MTA3: variants seen among roughly 807,000 people sequenced by gnomAD.
The protein encoded by MTA3 is metastasis associated 1 family member 3.
In MTA3, 34 loss-of-function variants were observed where a neutral mutation model predicts 83.5. That is an observed-to-expected ratio of 0.41 (90% CI 0.31 to 0.54). The LOEUF (loss-of-function observed/expected upper bound fraction) is 0.54. Among genes scored for constraint, MTA3 ranks in the 20% least tolerant of loss-of-function variants. The pLI is 0.33. For missense variants in MTA3, 761 were observed against 726.4 expected, an observed-to-expected ratio of 1.05 and a Z score of -0.55; for synonymous variants, 303 against 252.7, an observed-to-expected ratio of 1.20 and a Z score of -1.89.
chr2:42,658,248 A>G (rs1689351368), intron 7 of MTA3, among the ~76,000 whole-genome samples: 1 of 152,164 alleles, frequency 6.6e-6, no homozygotes, highest in African/African-American at 2.4e-5. Context: ...GTAAATTGGT[A>G]CAGCTCCTTT....
intron 4 of MTA3, among the ~76,000 whole-genome samples, chr2:42,620,055 G>T (rs1339171896): frequency 6.6e-6 from 1 of 151,606 alleles, no homozygotes; most frequent in Admixed American, 6.6e-5. Context: ...CATATACAGT[G>T]GCATTTAGCA....
chr2:42,546,280 C>T (rs540057484), intron 2 of MTA3, among the ~76,000 whole-genome samples: 18 of 152,162 alleles, frequency 1.2e-4, no homozygotes, highest in African/African-American at 4.3e-4. Context: ...AACAAAGGCC[C>T]CAGGAGAAAT....
chr2:42,537,247 C>T (rs1056161079), intron 2 of MTA3, among the ~76,000 whole-genome samples: 1 of 152,152 alleles, frequency 6.6e-6, no homozygotes. Context: ...AGTTGGGGAA[C>T]AAGCTACCTG....
chr2:42,603,057 T>A (rs1161733290), intron 3 of MTA3, among the ~76,000 whole-genome samples: 1 of 152,092 alleles, frequency 6.6e-6, no homozygotes, highest in Non-Finnish European at 1.5e-5. Flanking sequence ...AGGACTTTTA[T>A]GGCTTCCTCA....
chr2:42,748,472 G>A (rs944278378), intron 16 of MTA3, among the ~76,000 whole-genome samples: 7 of 152,024 alleles, frequency 4.6e-5, no homozygotes, highest in African/African-American at 1.2e-4. Context: ...TTCTTCTACA[G>A]TATCAAATCT....
chr2:42,750,930 C>G (rs1032827150), intron 16 of MTA3, among the ~76,000 whole-genome samples: 1 of 152,208 alleles, frequency 6.6e-6, no homozygotes, highest in African/African-American at 2.4e-5. Context: ...GTCCCCTCCC[C>G]TACTTCCAGA....
At chr2:42,743,198 C>T (rs567345393) in intron 16 of MTA3, among the ~76,000 whole-genome samples, 1 of 152,284 alleles carries the variant, frequency 6.6e-6, no homozygotes, top group East Asian at 1.9e-4. Flanking sequence ...TAAGAAGATG[C>T]CCTTGGTTCT....
At chr2:42,611,944 A>G (rs1282530096) in intron 4 of MTA3, among the ~76,000 whole-genome samples, 1 of 152,144 alleles carries the variant, frequency 6.6e-6, no homozygotes, top group Non-Finnish European at 1.5e-5. Context: ...TGGGACTACA[A>G]GTGCTTTCTG....
intron 8 of MTA3, among the ~76,000 whole-genome samples, chr2:42,668,277 A>G (rs1690477917): frequency 6.6e-6 from 1 of 152,208 alleles, no homozygotes; most frequent in African/African-American, 2.4e-5. Flanking sequence ...GGTTGGCTGG[A>G]AGACAACTGA....
At chr2:42,540,001 C>T (rs968007682) in intron 2 of MTA3, among the ~76,000 whole-genome samples, 1 of 152,040 alleles carries the variant, frequency 6.6e-6, no homozygotes, top group Admixed American at 6.6e-5. Flanking sequence ...TCCTCTGCCA[C>T]CAGAAAGAAG....
intron 2 of MTA3, among the ~76,000 whole-genome samples, chr2:42,539,650 C>G (rs1676432336): frequency 7.3e-6 from 1 of 136,374 alleles, no homozygotes; most frequent in Admixed American, 8.2e-5. Context: ...GGTGTGATCT[C>G]AGCTCACTGC....
At chr2:42,699,595 C>G (rs1014653968) in intron 11 of MTA3, among the ~76,000 whole-genome samples, 3 of 152,120 alleles carry the variant, frequency 2.0e-5, no homozygotes, top group African/African-American at 7.2e-5. Context: ...AGTAGTAGCT[C>G]TGGAAATGGC....
chr2:42,659,059 T>C (rs937180804), intron 7 of MTA3, among the ~76,000 whole-genome samples: 18 of 151,878 alleles, frequency 1.2e-4, no homozygotes, highest in Admixed American at 7.2e-4. Context: ...GATCATACTA[T>C]TGCGCTCCAG....
intron 3 of MTA3, among the ~76,000 whole-genome samples, chr2:42,591,429 A>C (rs1680977046): frequency 6.6e-6 from 1 of 152,200 alleles, no homozygotes; most frequent in South Asian, 2.1e-4. Flanking sequence ...TAAACACTGT[A>C]CACTTAGGCA....
intron 3 of MTA3, among the ~76,000 whole-genome samples, chr2:42,597,684 G>T (rs1323161615): frequency 1.0e-4 from 13 of 128,970 alleles, no homozygotes; most frequent in South Asian, 5.1e-4. Flanking sequence ...TCACCCACCT[G>T]TTTTTTTTTT....
At chr2:42,739,525 T>C (rs1668869153) in intron 16 of MTA3, among the ~76,000 whole-genome samples, 1 of 151,958 alleles carries the variant, frequency 6.6e-6, no homozygotes, top group South Asian at 2.1e-4. Context: ...CTTGCCTCAA[T>C]GTTGATGGCC....
At chr2:42,553,136 G>A (rs2103780655) in intron 2 of MTA3, among the ~76,000 whole-genome samples, 1 of 151,492 alleles carries the variant, frequency 6.6e-6, no homozygotes, top group South Asian at 2.1e-4. Flanking sequence ...AAAAAATTAG[G>A]CTGGGTGGGC....
At chr2:42,659,168 C>T (rs1351889138) in intron 7 of MTA3, among the ~76,000 whole-genome samples, 1 of 152,086 alleles carries the variant, frequency 6.6e-6, no homozygotes, top group Non-Finnish European at 1.5e-5. Context: ...GCAGGAAAAG[C>T]AGTGAGTCTT....
intron 2 of MTA3, among the ~76,000 whole-genome samples, chr2:42,529,705 C>G (rs1014552687): frequency 6.6e-6 from 1 of 152,166 alleles, no homozygotes. Flanking sequence ...TGAGGAGCAT[C>G]TGATGAACTT....
Sources: allele counts gnomAD v4.1 joint callset (sites outside exome capture counted in the v4.1 genomes callset), GRCh38; gene constraint gnomAD v4.1.1; transcripts MANE v1.5; gene names NCBI Gene and HGNC (gene_info 2026-07-23, HGNC 2026-07-21).